BMPR1B: variants seen among roughly 807,000 people sequenced by gnomAD.
BMPR1B encodes bone morphogenetic protein receptor type-1B.
BMPR1B carries 12 observed loss-of-function variants against 59.1 expected under a neutral mutation model. That is an observed-to-expected ratio of 0.20 (90% confidence interval 0.13 to 0.33). The LOEUF (loss-of-function observed/expected upper bound fraction) is 0.33. Ranked by LOEUF, BMPR1B falls within the 10% of genes least tolerant of loss-of-function variation. BMPR1B has a pLI of 1.00. For synonymous variants in BMPR1B, 237 were observed against 207.3 expected, an observed-to-expected ratio of 1.14 and a Z score of -1.23; for missense variants, 550 against 610.9, an observed-to-expected ratio of 0.90 and a Z score of 1.05.
At position 95,144,780 on chromosome 4, in the gene BMPR1B, T is replaced by C. The variant is rs1267372909; in HGVS notation, c.1077-3968T>C. On this transcript the variant is annotated intron_variant, in intron 10 of 12. Transcript: ENST00000515059. ...TGCACACATTTCCAACCATTCTCCA[T>C]GGGAAAGAAGAAGAGAGAGAACATT... 3.9e-5 allele frequency among the ~76,000 whole-genome samples: 6 copies of C among 152,264 alleles called. No individual in the cohort carries two copies. In the East Asian group the frequency reaches 1.2e-3, roughly 29 times the overall value.
chr4:94,886,420 A>G (rs754386056), intron 2 of BMPR1B, among the ~76,000 whole-genome samples: 1 of 152,242 alleles, frequency 6.6e-6, no homozygotes, highest in Non-Finnish European at 1.5e-5. Context: ...TTGACCAAGC[A>G]GGTCTTAAAT....
chr4:95,090,271 A>T (rs1176948144), intron 3 of BMPR1B, among the ~76,000 whole-genome samples: 3 of 151,776 alleles, frequency 2.0e-5, no homozygotes, highest in Non-Finnish European at 4.4e-5. Context: ...GTTCTTTAAT[A>T]TATATATTTA....
intron 3 of BMPR1B, among the ~76,000 whole-genome samples, chr4:95,086,759 C>T (rs879427869): frequency 4.6e-5 from 7 of 151,518 alleles, no homozygotes; most frequent in Admixed American, 1.3e-4. Flanking sequence ...AAGAATGTGT[C>T]GGTAGAGAGA....
chr4:95,000,357 GT>G (rs1341347918), intron 3 of BMPR1B, among the ~76,000 whole-genome samples: 2 of 152,034 alleles, frequency 1.3e-5, no homozygotes, highest in African/African-American at 4.8e-5. Flanking sequence ...TTCAGATATA[GT>G]TTGCCCATAT....
At chr4:95,096,740 TATAACTATATATAGTTATATATA>T (rs1730407806) in intron 3 of BMPR1B, among the ~76,000 whole-genome samples, 1 of 19,164 alleles carries the variant, frequency 5.2e-5, no homozygotes, top group Non-Finnish European at 1.9e-4. Context: ...TATAGTTATA[TATAACTATATATAGTTATATATA>T]ACTATGTATA....
intron 6 of BMPR1B, among the ~76,000 whole-genome samples, chr4:95,119,729 A>G (rs1441100673): frequency 6.6e-6 from 1 of 152,154 alleles, no homozygotes; most frequent in East Asian, 1.9e-4. Context: ...GATTACTTTC[A>G]TTAATATTTT....
chr4:95,124,152 C>T (rs902123412), intron 7 of BMPR1B, among the ~76,000 whole-genome samples: 4 of 151,904 alleles, frequency 2.6e-5, no homozygotes, highest in Non-Finnish European at 5.9e-5. Flanking sequence ...CCTAGGGAAA[C>T]TAGGGTAGTT....
intron 2 of BMPR1B, among the ~76,000 whole-genome samples, chr4:94,911,346 C>T (rs1448257013): frequency 6.6e-6 from 1 of 152,068 alleles, no homozygotes. Flanking sequence ...AGTGTGCTGC[C>T]AGGTGGTAAT....
At chr4:94,818,016 G>T (rs1302049540) in intron 1 of BMPR1B, among the ~76,000 whole-genome samples, 1 of 152,072 alleles carries the variant, frequency 6.6e-6, no homozygotes, top group African/African-American at 2.4e-5. Context: ...CTGAAGGTGG[G>T]GTCAAGGCAT....
chr4:94,830,834 T>C (rs1021564207), intron 1 of BMPR1B, among the ~76,000 whole-genome samples: 1 of 152,178 alleles, frequency 6.6e-6, no homozygotes. Flanking sequence ...CACCTGTTCA[T>C]GGTGATGCTG....
chr4:94,929,520 C>A (rs1218831762), intron 2 of BMPR1B, among the ~76,000 whole-genome samples: 1 of 152,068 alleles, frequency 6.6e-6, no homozygotes, highest in Non-Finnish European at 1.5e-5. Flanking sequence ...AGTCCCTTCT[C>A]AAAACTGTGT....
intron 2 of BMPR1B, among the ~76,000 whole-genome samples, chr4:94,916,236 G>A (rs1235661118): frequency 6.6e-6 from 1 of 152,340 alleles, no homozygotes; most frequent in South Asian, 2.1e-4. Context: ...AGCAGCTTTG[G>A]AACTGGGTAA....
intron 10 of BMPR1B, among the ~76,000 whole-genome samples, chr4:95,142,022 G>A (rs559794592): frequency 9.9e-5 from 15 of 152,212 alleles, no homozygotes; most frequent in African/African-American, 2.2e-4. Flanking sequence ...AAGCTCATTC[G>A]TGGCATAGTG....
At chr4:95,028,764 A>C (rs1250223703) in intron 3 of BMPR1B, among the ~76,000 whole-genome samples, 1 of 152,112 alleles carries the variant, frequency 6.6e-6, no homozygotes, top group Non-Finnish European at 1.5e-5. Context: ...AGATACTAGA[A>C]ATCTACCGTT....
At position 95,022,132 on chromosome 4, in the gene BMPR1B, C is replaced by CT. The variant is rs553162835; in HGVS notation, c.-18+26001dup. Among the ~76,000 whole-genome samples the CT allele has an allele frequency of 2.1e-3, 323 of 152,240 alleles. 1 individual carries two copies. The highest frequency in any genetic ancestry group is 3.3e-3 in the Non-Finnish European group (226 of 68,032). Reference sequence around the variant, plus strand: ...CGCAGAAACAAGAAGGCTCCTTCAGCTTTGTGACTGTGGTATATTTTATAA... The same window carrying CT: ...CGCAGAAACAAGAAGGCTCCTTCAGCTTTTGTGACTGTGGTATATTTTATAA... On this transcript the variant is annotated intron_variant, in intron 3 of 12. Coordinates refer to ENST00000515059, the MANE Select transcript of BMPR1B (RefSeq NM_001203.3).
chr4:94,785,400 A>G (rs969122364), intron 1 of BMPR1B, among the ~76,000 whole-genome samples: 5 of 152,244 alleles, frequency 3.3e-5, no homozygotes, highest in African/African-American at 7.2e-5. Flanking sequence ...GCTAGTCGTC[A>G]GGGAGCTGAC....
chr4:94,783,639 G>A (rs1263544428), intron 1 of BMPR1B, among the ~76,000 whole-genome samples: 1 of 152,196 alleles, frequency 6.6e-6, no homozygotes. Context: ...ATGCTGGGCT[G>A]AGATGGTAGC....
chr4:95,057,345 A>G (rs1200755736), intron 3 of BMPR1B, among the ~76,000 whole-genome samples: 2 of 151,932 alleles, frequency 1.3e-5, no homozygotes, highest in African/African-American at 2.4e-5. Flanking sequence ...CCCGAGTTCA[A>G]GTGATTCTCC....
At chr4:95,015,817 C>G (rs572875358) in intron 3 of BMPR1B, among the ~76,000 whole-genome samples, 19 of 152,050 alleles carry the variant, frequency 1.2e-4, no homozygotes, top group South Asian at 2.1e-4. Context: ...CTCAGCCTCC[C>G]GAATAGCTGG....
Sources: gnomAD v4.1 joint callset for allele counts (sites outside exome capture counted in the v4.1 genomes callset) on GRCh38, gnomAD v4.1.1 for gene constraint, MANE v1.5 for transcripts, NCBI Gene and HGNC (gene_info 2026-07-23, HGNC 2026-07-21) for gene names.